The following SPATA17 variants were observed in gnomAD, a reference collection of about 807,000 sequenced individuals.
SPATA17 encodes spermatogenesis associated 17, also known as spermatogenesis-associated protein 17.
Under a neutral mutation model 62.2 loss-of-function variants are expected in SPATA17, and 53 were observed. The ratio of observed to expected loss-of-function variants is 0.85; its 90% CI spans 0.68 to 1.07. The LOEUF is 1.07. Ranked by LOEUF, SPATA17 falls within the 50% of genes least tolerant of loss-of-function variation. SPATA17 has a pLI of 0.00. For missense variants in SPATA17, 466 were observed against 425.5 expected (o/e 1.10, Z -0.84); for synonymous variants, 146 against 146.8 (o/e 0.99, Z 0.04).
At chr1:217,842,083 T>C (rs925616196) in intron 9 of SPATA17, among the ~76,000 whole-genome samples, 3 of 151,796 alleles carry the variant, frequency 2.0e-5, no homozygotes, top group Non-Finnish European at 4.4e-5. Context: ...TATGAGATGA[T>C]CATGTGATTA....
rs180826474 is a variant in SPATA17, at chr1:217,646,594, T to C, written c.69-2288T>C. 1.4e-4 allele frequency among the ~76,000 whole-genome samples: 22 copies of C among 152,150 alleles called. No homozygotes were observed. The East Asian group carries it at 3.9e-3, about 27-fold the overall frequency. On this transcript the variant is annotated intron_variant, in intron 1 of 10. Coordinates refer to ENST00000366933, the MANE Select transcript of SPATA17 (RefSeq NM_138796.4). Reference sequence around the variant, plus strand: ...CTCTCTTCCCCTTTAGAAGCAGTGATGGTTAAAAACCCAGCCTCTGAGCTG... The same window carrying C: ...CTCTCTTCCCCTTTAGAAGCAGTGACGGTTAAAAACCCAGCCTCTGAGCTG...
At chr1:217,767,419 G>T (rs1673327010) in intron 6 of SPATA17, among the ~76,000 whole-genome samples, 1 of 152,098 alleles carries the variant, frequency 6.6e-6, no homozygotes, top group African/African-American at 2.4e-5. Context: ...ATCAGTTTGG[G>T]TAAATTCCCA....
Position 217,754,883 on chromosome 1 carries a change from C to T in SPATA17, c.519+12785C>T, listed in dbSNP as rs559760399. Among the ~76,000 whole-genome samples, 15 of 152,144 alleles carry T rather than the reference C, an allele frequency of 9.9e-5. No homozygotes were observed. In the South Asian group the frequency reaches 2.3e-3, roughly 23 times the overall value. ...TAGAGACTTAAGGAGAGAGATTATACTCCCAAATGTTTTCCTAAAATGAGC... is the reference window on the plus strand; with the variant it reads ...TAGAGACTTAAGGAGAGAGATTATATTCCCAAATGTTTTCCTAAAATGAGC... On this transcript the variant is annotated intron_variant, in intron 6 of 10. Transcript: ENST00000366933.
intron 6 of SPATA17, among the ~76,000 whole-genome samples, chr1:217,745,616 T>A (rs942256936): frequency 6.6e-6 from 1 of 152,122 alleles, no homozygotes; most frequent in Non-Finnish European, 1.5e-5. Flanking sequence ...ATAAATATAA[T>A]AAACATGAAT....
chr1:217,793,999 C>T (rs6680093), intron 8 of SPATA17, among the ~76,000 whole-genome samples: 3,318 of 151,734 alleles, frequency 0.022, 127 homozygotes, highest in African/African-American at 0.078. Context: ...GCCTGTAGTC[C>T]CAGCTACTCT....
intron 9 of SPATA17, among the ~76,000 whole-genome samples, chr1:217,824,152 A>G (rs1465858129): frequency 6.6e-6 from 1 of 151,898 alleles, no homozygotes; most frequent in Non-Finnish European, 1.5e-5. Context: ...TACTAGTGCT[A>G]TTTTCCAAAT....
chr1:217,724,324 G>A (rs1040323511), intron 5 of SPATA17, among the ~76,000 whole-genome samples: 13 of 152,074 alleles, frequency 8.5e-5, no homozygotes, highest in African/African-American at 2.7e-4. Context: ...ATTGTCAGCC[G>A]GGTGTGGTGG....
At chr1:217,822,965 T>C (rs1200551381) in intron 9 of SPATA17, among the ~76,000 whole-genome samples, 2 of 151,944 alleles carry the variant, frequency 1.3e-5, no homozygotes, top group Non-Finnish European at 2.9e-5. Context: ...AGTTTTTCCA[T>C]CAACTCTCAT....
chr1:217,658,802 T>C (rs1255941002), intron 3 of SPATA17, among the ~76,000 whole-genome samples: 1 of 152,116 alleles, frequency 6.6e-6, no homozygotes, highest in Non-Finnish European at 1.5e-5. Flanking sequence ...AATGAATTAG[T>C]CTGTCTCAGT....
At chr1:217,844,519 G>T (rs1358404522) in intron 9 of SPATA17, among the ~76,000 whole-genome samples, 1 of 151,974 alleles carries the variant, frequency 6.6e-6, no homozygotes, top group Non-Finnish European at 1.5e-5. Flanking sequence ...TCTGGAATGG[G>T]GTATTTGAGA....
chr1:217,854,389 G>T (rs1402682322), intron 9 of SPATA17, among the ~76,000 whole-genome samples: 1 of 152,070 alleles, frequency 6.6e-6, no homozygotes, highest in African/African-American at 2.4e-5. Flanking sequence ...TTCTTATAAA[G>T]AAGTCATCAC....
chr1:217,702,224 T>C (rs1671614725), intron 5 of SPATA17, among the ~76,000 whole-genome samples: 1 of 152,174 alleles, frequency 6.6e-6, no homozygotes, highest in Non-Finnish European at 1.5e-5. Context: ...ACATAGATTT[T>C]GTTTATTTAA....
intron 7 of SPATA17, among the ~76,000 whole-genome samples, chr1:217,778,920 T>G (rs183401889): frequency 9.3e-4 from 141 of 152,322 alleles, no homozygotes; most frequent in African/African-American, 3.3e-3. Context: ...TACATGGCTT[T>G]CTTCCTCCAT....
At chr1:217,760,168 C>T (rs980017157) in intron 6 of SPATA17, among the ~76,000 whole-genome samples, 2 of 151,986 alleles carry the variant, frequency 1.3e-5, no homozygotes, top group Non-Finnish European at 2.9e-5. Flanking sequence ...AATTATGTTA[C>T]CACCAGAGAG....
intron 9 of SPATA17, among the ~76,000 whole-genome samples, chr1:217,813,937 A>G (rs957628490): frequency 6.6e-6 from 1 of 152,082 alleles, no homozygotes; most frequent in Admixed American, 6.6e-5. Context: ...CTTTAAATGT[A>G]TTATATTAAG....
At chr1:217,808,413 T>C (rs2102990814) in intron 9 of SPATA17, among the ~76,000 whole-genome samples, 1 of 151,252 alleles carries the variant, frequency 6.6e-6, no homozygotes, top group South Asian at 2.1e-4. Context: ...AATGAAGTAG[T>C]GACTTTCTGG....
intron 6 of SPATA17, among the ~76,000 whole-genome samples, chr1:217,749,602 T>C (rs546245606): frequency 1.3e-5 from 2 of 152,308 alleles, no homozygotes; most frequent in South Asian, 4.1e-4. Flanking sequence ...CAGGTGTCTT[T>C]CAAATCAGTC....
At chr1:217,730,953 T>G (rs1342830677) in intron 5 of SPATA17, among the ~76,000 whole-genome samples, 1 of 152,172 alleles carries the variant, frequency 6.6e-6, no homozygotes, top group Non-Finnish European at 1.5e-5. Context: ...TGAGAAAATG[T>G]TATTAGTGCT....
chr1:217,700,826 G>C (rs1206103700), intron 5 of SPATA17, among the ~76,000 whole-genome samples: 1 of 145,896 alleles, frequency 6.9e-6, no homozygotes, highest in African/African-American at 2.5e-5. Flanking sequence ...GGCTGGTCTG[G>C]AACTTCTGAC....
Sources: allele counts gnomAD v4.1 joint callset (sites outside exome capture counted in the v4.1 genomes callset), GRCh38; gene constraint gnomAD v4.1.1; transcripts MANE v1.5; gene names NCBI Gene and HGNC (gene_info 2026-07-23, HGNC 2026-07-21).